The following MOB3B variants were observed in gnomAD, a reference collection of about 807,000 sequenced individuals.
MOB3B encodes the protein MOB kinase activator-like 2B.
MOB3B carries 7 observed loss-of-function variants against 18.7 expected under a neutral mutation model. That is an observed-to-expected ratio of 0.37 (90% CI 0.21 to 0.70). MOB3B has a LOEUF of 0.70. MOB3B is among the 30% of genes least tolerant of loss of function. The pLI, the probability that MOB3B is intolerant of heterozygous loss-of-function variation, is 0.52. For missense variants in MOB3B, 253 were observed against 281.3 expected, an observed-to-expected ratio of 0.90 and a Z score of 0.72; for synonymous variants, 111 against 99.9, an observed-to-expected ratio of 1.11 and a Z score of -0.66.
At chr9:27,467,835 G>T (rs2131464178) in intron 1 of MOB3B, among the ~76,000 whole-genome samples, 1 of 152,342 alleles carries the variant, frequency 6.6e-6, no homozygotes, top group East Asian at 1.9e-4. Flanking sequence ...GGCAAATCCA[G>T]AGTTTAGAGT....
At chr9:27,479,263 T>A (rs1271853748) in intron 1 of MOB3B, among the ~76,000 whole-genome samples, 1 of 152,128 alleles carries the variant, frequency 6.6e-6, no homozygotes, top group Non-Finnish European at 1.5e-5. Flanking sequence ...ACTCATCCTT[T>A]ATAAGAAACC....
chr9:27,358,954 C>T, intron 3 of MOB3B, 80 bp downstream of exon 3: 2 of 1,413,790 alleles, frequency 1.4e-6, no homozygotes, highest in Non-Finnish European at 2.0e-6. Flanking sequence ...TGAGCATTTT[C>T]CAGGGATTGA....
At chr9:27,400,759 T>C (rs1406597954) in intron 2 of MOB3B, among the ~76,000 whole-genome samples, 1 of 152,226 alleles carries the variant, frequency 6.6e-6, no homozygotes, top group Non-Finnish European at 1.5e-5. Context: ...TTTATGATGG[T>C]TCTTCTAGTG....
chr9:27,337,164 C>A (rs1461852720), intron 3 of MOB3B, among the ~76,000 whole-genome samples: 1 of 152,218 alleles, frequency 6.6e-6, no homozygotes, highest in African/African-American at 2.4e-5. Context: ...TGGACAGCAC[C>A]AAAACCCTAC....
intron 1 of MOB3B, among the ~76,000 whole-genome samples, chr9:27,487,217 A>G (rs1819742145): frequency 6.6e-6 from 1 of 152,164 alleles, no homozygotes; most frequent in African/African-American, 2.4e-5. Flanking sequence ...AAGTCATGCC[A>G]GACTATATTT....
chr9:27,396,166 C>T (rs1269476231), intron 2 of MOB3B, among the ~76,000 whole-genome samples: 1 of 152,070 alleles, frequency 6.6e-6, no homozygotes, highest in Non-Finnish European at 1.5e-5. Flanking sequence ...TTTCCTTCTC[C>T]AAAATAGTAA....
At chr9:27,376,032 T>C (rs566334932) in intron 2 of MOB3B, among the ~76,000 whole-genome samples, 1 of 152,358 alleles carries the variant, frequency 6.6e-6, no homozygotes, top group Admixed American at 6.5e-5. Context: ...GGTAATATTT[T>C]GTTGTGTTAT....
chr9:27,464,299 G>C (rs565442553), intron 1 of MOB3B, among the ~76,000 whole-genome samples: 1 of 152,234 alleles, frequency 6.6e-6, no homozygotes, highest in Admixed American at 6.5e-5. Context: ...GCTTAATTTG[G>C]GTGGACTTCT....
chr9:27,437,884 TAAATCCTATTC>T (rs1012564230), intron 2 of MOB3B, among the ~76,000 whole-genome samples: 2 of 152,210 alleles, frequency 1.3e-5, no homozygotes, highest in African/African-American at 2.4e-5. Context: ...ATGACTTTGC[TAAATCCTATTC>T]AAAACAAAGA....
intron 2 of MOB3B, among the ~76,000 whole-genome samples, chr9:27,365,477 T>A (rs187319412): frequency 6.6e-6 from 1 of 151,962 alleles, no homozygotes; most frequent in East Asian, 1.9e-4. Context: ...ATTGTATATC[T>A]TAAGGGTTTG....
At chr9:27,487,484 G>A (rs1587250949) in intron 1 of MOB3B, among the ~76,000 whole-genome samples, 1 of 152,238 alleles carries the variant, frequency 6.6e-6, no homozygotes, top group African/African-American at 2.4e-5. Context: ...AGACCCCTAT[G>A]TGCACAGTAT....
intron 3 of MOB3B, among the ~76,000 whole-genome samples, chr9:27,331,840 G>C (rs1820794938): frequency 6.6e-6 from 1 of 152,198 alleles, no homozygotes; most frequent in African/African-American, 2.4e-5. Flanking sequence ...AAAGGAGACT[G>C]AGTGTGGGAG....
At chr9:27,465,430 G>T (rs986903763) in intron 1 of MOB3B, among the ~76,000 whole-genome samples, 1 of 152,180 alleles carries the variant, frequency 6.6e-6, no homozygotes, top group African/African-American at 2.4e-5. Context: ...CTCCCTGCTG[G>T]CTGCTTTCAT....
At chr9:27,447,059 G>A (rs1193808854) in intron 2 of MOB3B, among the ~76,000 whole-genome samples, 1 of 152,056 alleles carries the variant, frequency 6.6e-6, no homozygotes, top group Non-Finnish European at 1.5e-5. Flanking sequence ...GACCTTTGCA[G>A]ATAACACACG....
intron 2 of MOB3B, among the ~76,000 whole-genome samples, chr9:27,402,796 C>T (rs1047757079): frequency 2.0e-5 from 3 of 152,234 alleles, no homozygotes; most frequent in Admixed American, 1.3e-4. Flanking sequence ...AAGTGCTGAA[C>T]TGCAGCCTGC....
At chr9:27,472,851 T>G (rs1007969416) in intron 1 of MOB3B, among the ~76,000 whole-genome samples, 1 of 152,178 alleles carries the variant, frequency 6.6e-6, no homozygotes, top group Non-Finnish European at 1.5e-5. Context: ...ATTGAAAGGC[T>G]TAACGTAGGT....
rs543366893 is a variant in MOB3B, at chr9:27,331,477, T to C, written c.622-861A>G. ...ATGAATTTGTACATCTCTGTGTGTG[T>C]GTGTGTGTACTGGGGCTCTGGACAT... On this transcript the variant is annotated intron_variant, in intron 3 of 3. Coordinates refer to ENST00000262244, the MANE Select transcript of MOB3B (RefSeq NM_024761.5). 9.9e-5 allele frequency among the ~76,000 whole-genome samples: 15 copies of C among 152,274 alleles called. No individual in the cohort carries two copies. The East Asian group carries it at 2.5e-3, about 25-fold the overall frequency.
chr9:27,394,798 T>C (rs566866708), intron 2 of MOB3B, among the ~76,000 whole-genome samples: 36 of 152,342 alleles, frequency 2.4e-4, no homozygotes, highest in African/African-American at 5.3e-4. Context: ...TAAACATACT[T>C]TTTAATAAAA....
chr9:27,480,343 A>G (rs955188308), intron 1 of MOB3B, among the ~76,000 whole-genome samples: 5 of 145,998 alleles, frequency 3.4e-5, no homozygotes, highest in African/African-American at 1.3e-4. Flanking sequence ...TCTGTCACCC[A>G]GGCTGGAGTG....
Sources: gnomAD v4.1 joint callset for allele counts (sites outside exome capture counted in the v4.1 genomes callset) on GRCh38, gnomAD v4.1.1 for gene constraint, MANE v1.5 for transcripts, NCBI Gene and HGNC (gene_info 2026-07-23, HGNC 2026-07-21) for gene names.